Variants in ROR1 observed in about 807,000 individuals in gnomAD.
The protein encoded by ROR1 is inactive tyrosine-protein kinase transmembrane receptor ROR1.
ROR1 carries 19 observed loss-of-function variants against 78.8 expected under a neutral mutation model. The observed-to-expected ratio is 0.24, with a 90% CI of 0.17 to 0.35. The LOEUF is 0.35. Among genes scored for constraint, ROR1 ranks in the 10% least tolerant of loss-of-function variants. The pLI, the probability that ROR1 is intolerant of heterozygous loss-of-function variation, is 1.00. For synonymous variants in ROR1, 386 were observed against 433.6 expected, an observed-to-expected ratio of 0.89 and a Z score of 1.36; for missense variants, 917 against 1,177.8, an observed-to-expected ratio of 0.78 and a Z score of 3.24.
At chr1:64,054,781 A>G (rs544078276) in intron 4 of ROR1, among the ~76,000 whole-genome samples, 1 of 152,308 alleles carries the variant, frequency 6.6e-6, no homozygotes, top group South Asian at 2.1e-4. Context: ...GGCAAAAACA[A>G]TAGAAATTTA....
intron 1 of ROR1, among the ~76,000 whole-genome samples, chr1:63,847,035 C>G (rs574795523): frequency 7.2e-5 from 11 of 152,346 alleles, no homozygotes; most frequent in African/African-American, 2.6e-4. Context: ...GTTCTTGCCT[C>G]TGTCCCCACA....
chr1:64,153,754 G>A (rs180671440), intron 7 of ROR1, among the ~76,000 whole-genome samples: 86 of 152,192 alleles, frequency 5.7e-4, no homozygotes, highest in African/African-American at 1.4e-3. Context: ...GGGAAGGGGG[G>A]AAATGGGGAG....
intron 1 of ROR1, among the ~76,000 whole-genome samples, chr1:63,835,769 T>A (rs911292012): frequency 2.0e-5 from 3 of 152,220 alleles, no homozygotes; most frequent in Non-Finnish European, 2.9e-5. Context: ...AAGGCACTTG[T>A]GTTGTTGGAC....
intron 2 of ROR1, among the ~76,000 whole-genome samples, chr1:64,026,018 A>C: frequency 6.6e-6 from 1 of 152,292 alleles, no homozygotes; most frequent in Admixed American, 6.5e-5. Flanking sequence ...TATGGAAATA[A>C]TTTTTTAAGT....
At chr1:63,897,279 T>A (rs1438286452) in intron 1 of ROR1, among the ~76,000 whole-genome samples, 14 of 152,244 alleles carry the variant, frequency 9.2e-5, no homozygotes, top group Non-Finnish European at 1.5e-5. Flanking sequence ...CATACATAAA[T>A]TTTAAAGCAT....
intron 1 of ROR1, among the ~76,000 whole-genome samples, chr1:63,823,270 G>A (rs532120325): frequency 6.6e-6 from 1 of 152,080 alleles, no homozygotes; most frequent in African/African-American, 2.4e-5. Context: ...GTTAGCCCCA[G>A]TAAATGTTGA....
At chr1:63,800,911 T>C (rs1197050972) in intron 1 of ROR1, among the ~76,000 whole-genome samples, 1 of 152,024 alleles carries the variant, frequency 6.6e-6, no homozygotes, top group Admixed American at 6.5e-5. Flanking sequence ...TTAACCTTTT[T>C]AATCTCAGAT....
At chr1:64,089,644 C>T (rs7533831) in intron 4 of ROR1, among the ~76,000 whole-genome samples, 51,003 of 152,044 alleles carry the variant, frequency 0.34, 9,662 homozygotes, top group African/African-American at 0.51. Context: ...ATAACTGAGA[C>T]ACATCTCTGT....
At position 64,032,549 on chromosome 1, in the gene ROR1, C is replaced by T. The variant is rs552655287; in HGVS notation, c.164-17142C>T. ...ATGACCCAAAGAAAAGAATGGTTCA[C>T]ACAATATCAAGAGTACTTTGTGGCA... On this transcript the variant is annotated intron_variant, in intron 2 of 8. Transcript: ENST00000371079. Among the ~76,000 whole-genome samples, 12 of 152,188 alleles carry T rather than the reference C, an allele frequency of 7.9e-5. No homozygotes were observed. The South Asian group carries it at 2.3e-3, about 29-fold the overall frequency.
intron 1 of ROR1, among the ~76,000 whole-genome samples, chr1:63,813,028 A>G (rs540015387): frequency 1.2e-4 from 18 of 152,088 alleles, no homozygotes; most frequent in Non-Finnish European, 2.2e-4. Context: ...ACAGATATCA[A>G]TTTTGGAGAG....
intron 1 of ROR1, among the ~76,000 whole-genome samples, chr1:63,902,084 G>A (rs1021614374): frequency 5.9e-5 from 9 of 152,126 alleles, no homozygotes; most frequent in African/African-American, 2.2e-4. Context: ...ATTTTCGATG[G>A]TTGGACTTCA....
intron 1 of ROR1, among the ~76,000 whole-genome samples, chr1:63,915,954 TG>T (rs1285604281): frequency 1.3e-5 from 2 of 152,302 alleles, no homozygotes; most frequent in African/African-American, 4.8e-5. Flanking sequence ...AACTTTCCCC[TG>T]GGCCACTGCA....
At chr1:64,053,058 G>A (rs1646846391) in intron 4 of ROR1, among the ~76,000 whole-genome samples, 1 of 152,108 alleles carries the variant, frequency 6.6e-6, no homozygotes, top group African/African-American at 2.4e-5. Context: ...TAGCCATGGG[G>A]AATATCATAA....
chr1:63,953,646 C>T (rs1036458575), intron 1 of ROR1, among the ~76,000 whole-genome samples: 10 of 152,060 alleles, frequency 6.6e-5, no homozygotes, highest in African/African-American at 9.7e-5. Flanking sequence ...AGTAGGTGCT[C>T]AATAAATGGT....
chr1:63,817,179 C>A (rs944393931), intron 1 of ROR1, among the ~76,000 whole-genome samples: 10 of 152,168 alleles, frequency 6.6e-5, no homozygotes, highest in African/African-American at 2.2e-4. Flanking sequence ...CATTTCCTGC[C>A]TGCTTGTGCT....
intron 1 of ROR1, among the ~76,000 whole-genome samples, chr1:63,778,392 CT>C (rs1644630421): frequency 6.6e-6 from 1 of 152,130 alleles, no homozygotes; most frequent in South Asian, 2.1e-4. Flanking sequence ...TGTTTGATGC[CT>C]GAGGCAATGG....
intron 1 of ROR1, among the ~76,000 whole-genome samples, chr1:63,849,271 C>A (rs1382219130): frequency 6.6e-6 from 1 of 152,110 alleles, no homozygotes; most frequent in Non-Finnish European, 1.5e-5. Context: ...TGTATAACAA[C>A]CCATTCAGTT....
At chr1:64,059,614 C>T (rs1646901152) in intron 4 of ROR1, among the ~76,000 whole-genome samples, 1 of 150,434 alleles carries the variant, frequency 6.6e-6, no homozygotes, top group Admixed American at 6.7e-5. Context: ...GAGGCTGAGG[C>T]AGGAGAATAT....
intron 1 of ROR1, among the ~76,000 whole-genome samples, chr1:64,007,966 T>G (rs1487011504): frequency 1.3e-5 from 2 of 151,884 alleles, no homozygotes; most frequent in Non-Finnish European, 2.9e-5. Flanking sequence ...CTTTTTTTTT[T>G]TTTTTTGCAA....
Sources: gnomAD v4.1 joint callset for allele counts (sites outside exome capture counted in the v4.1 genomes callset) on GRCh38, gnomAD v4.1.1 for gene constraint, MANE v1.5 for transcripts, NCBI Gene and HGNC (gene_info 2026-07-23, HGNC 2026-07-21) for gene names.